RGS9: variants seen among roughly 807,000 people sequenced by gnomAD.
RGS9 encodes regulator of G-protein signalling 9.
A neutral mutation model predicts 102.0 loss-of-function variants in RGS9; 78 were observed. That is an observed-to-expected ratio of 0.76 (90% CI 0.64 to 0.92). RGS9 has a LOEUF of 0.92. RGS9 is among the 40% of genes least tolerant of loss of function. The pLI, the probability that RGS9 is intolerant of heterozygous loss-of-function variation, is 0.00. For missense variants in RGS9, 833 were observed against 866.1 expected (o/e 0.96, Z 0.48); for synonymous variants, 353 against 318.6 (o/e 1.11, Z -1.15).
At chr17:65,205,038 T>C (rs1320956502) in intron 15 of RGS9, among the ~76,000 whole-genome samples, 1 of 152,160 alleles carries the variant, frequency 6.6e-6, no homozygotes, top group Non-Finnish European at 1.5e-5. Context: ...GTGTGTGTGA[T>C]TGTAGTAAGA....
intron 13 of RGS9, 151 bp downstream of exon 13, chr17:65,197,392 A>C: frequency 1.5e-6 from 1 of 676,454 alleles, no homozygotes; most frequent in East Asian, 2.8e-5. Flanking sequence ...CAGCTTTAAG[A>C]ATGGGACCTG....
chr17:65,213,563 T>A (rs1913384975), intron 17 of RGS9, among the ~76,000 whole-genome samples: 1 of 151,778 alleles, frequency 6.6e-6, no homozygotes, highest in Admixed American at 6.6e-5. Context: ...AGGGTGGTGG[T>A]GAGTGTGGTG....
chr17:65,201,780 C>A (rs1167472845), intron 13 of RGS9, among the ~76,000 whole-genome samples: 1 of 152,144 alleles, frequency 6.6e-6, no homozygotes, highest in East Asian at 1.9e-4. Context: ...CAATGTTCTT[C>A]CAGGCCGTAG....
At chr17:65,188,728 T>A (rs1912233447) in intron 9 of RGS9, 1 of 164,448 alleles carries the variant, frequency 6.1e-6, no homozygotes, top group South Asian at 1.6e-4. Flanking sequence ...CCCTCTCACC[T>A]CAGCCTCCCA....
intron 1 of RGS9, among the ~76,000 whole-genome samples, chr17:65,152,910 C>T (rs1280139172): frequency 6.6e-6 from 1 of 152,206 alleles, no homozygotes; most frequent in Non-Finnish European, 1.5e-5. Flanking sequence ...AACTTCTTCA[C>T]ACTTCAGTGT....
intron 9 of RGS9, among the ~76,000 whole-genome samples, chr17:65,179,456 G>A (rs1239914946): frequency 6.6e-6 from 1 of 151,916 alleles, no homozygotes; most frequent in Admixed American, 6.6e-5. Context: ...GAATCCTCGA[G>A]TAAAAGATTG....
At chr17:65,152,777 C>T (rs747538523) in intron 1 of RGS9, among the ~76,000 whole-genome samples, 5 of 152,204 alleles carry the variant, frequency 3.3e-5, no homozygotes, top group South Asian at 2.1e-4. Context: ...GCGATCCTCC[C>T]GCCTCTGCCT....
intron 13 of RGS9, among the ~76,000 whole-genome samples, chr17:65,198,518 A>T (rs1030726347): frequency 6.6e-6 from 1 of 152,106 alleles, no homozygotes; most frequent in African/African-American, 2.4e-5. Flanking sequence ...GGCCTCCCAA[A>T]GTGTTGGGAT....
intron 12 of RGS9, among the ~76,000 whole-genome samples, chr17:65,194,039 A>G (rs921117931): frequency 6.6e-6 from 1 of 152,226 alleles, no homozygotes; most frequent in African/African-American, 2.4e-5. Context: ...CTAAGAAGAC[A>G]GTAATAAGTA....
chr17:65,215,485 T>G (rs1289770317), intron 17 of RGS9, among the ~76,000 whole-genome samples: 6 of 125,188 alleles, frequency 4.8e-5, no homozygotes, highest in Admixed American at 1.6e-4. Context: ...TCTATCTTTC[T>G]TTCGTTCTTT....
chr17:65,152,809 C>A (rs1341081502), intron 1 of RGS9, among the ~76,000 whole-genome samples: 1 of 152,242 alleles, frequency 6.6e-6, no homozygotes, highest in African/African-American at 2.4e-5. Context: ...GGATTACAGG[C>A]GTGAGCCACT....
chr17:65,217,159 G>T (rs1269802014), intron 17 of RGS9, among the ~76,000 whole-genome samples: 1 of 152,178 alleles, frequency 6.6e-6, no homozygotes, highest in African/African-American at 2.4e-5. Context: ...GTGCCTACTG[G>T]ATAGTCCCTG....
intron 17 of RGS9, among the ~76,000 whole-genome samples, chr17:65,215,509 TTTC>T (rs1567893348): frequency 6.1e-5 from 8 of 132,180 alleles, no homozygotes; most frequent in Admixed American, 4.4e-4. Context: ...TCTTTCTTTC[TTTC>T]TTTCTTTCTT....
intron 9 of RGS9, among the ~76,000 whole-genome samples, chr17:65,183,098 AT>A (rs1911957267): frequency 6.6e-6 from 1 of 151,164 alleles, no homozygotes; most frequent in Non-Finnish European, 1.5e-5. Flanking sequence ...CTATCTATCT[AT>A]CTATCTATCT....
chr17:65,215,497 G>C (rs9889740), intron 17 of RGS9, among the ~76,000 whole-genome samples: 3 of 133,554 alleles, frequency 2.2e-5, no homozygotes, highest in African/African-American at 8.6e-5. Flanking sequence ...TCGTTCTTTC[G>C]TTCTTTCTTT....
At chr17:65,196,795 G>A (rs941673997) in intron 12 of RGS9, among the ~76,000 whole-genome samples, 1 of 152,208 alleles carries the variant, frequency 6.6e-6, no homozygotes, top group African/African-American at 2.4e-5. Flanking sequence ...CCCTCTGCTG[G>A]CCAGGCTCCA....
At chr17:65,176,724 CA>C (rs2144033838) in intron 8 of RGS9, among the ~76,000 whole-genome samples, 1 of 145,106 alleles carries the variant, frequency 6.9e-6, no homozygotes, top group African/African-American at 2.7e-5. Context: ...TCCATCCATC[CA>C]TCCATCCATC....
intron 13 of RGS9, among the ~76,000 whole-genome samples, chr17:65,198,253 C>T (rs1912673168): frequency 7.1e-6 from 1 of 140,830 alleles, no homozygotes; most frequent in African/African-American, 3.0e-5. Context: ...ATGAGGGGAA[C>T]TGTGACTTTT....
intron 8 of RGS9, among the ~76,000 whole-genome samples, chr17:65,172,395 C>T (rs146820809): frequency 5.3e-5 from 8 of 151,554 alleles, no homozygotes; most frequent in Non-Finnish European, 1.2e-4. Context: ...GTAGAGACGG[C>T]GGTTTCACCA....
Sources: gnomAD v4.1 joint callset for allele counts (sites outside exome capture counted in the v4.1 genomes callset) on GRCh38, gnomAD v4.1.1 for gene constraint, MANE v1.5 for transcripts, NCBI Gene and HGNC (gene_info 2026-07-23, HGNC 2026-07-21) for gene names.